BRD10: variants seen among roughly 807,000 people sequenced by gnomAD.
BRD10 encodes uncharacterized bromodomain-containing protein 10.
the BRD10 span, among the ~76,000 whole-genome samples, chr9:5,945,967 T>A: frequency 6.6e-6 from 1 of 152,098 alleles, no homozygotes; most frequent in Non-Finnish European, 1.5e-5. Context: ...CCAAGTTCGA[T>A]ACATTCATTA....
At chr9:5,916,415 A>C in the BRD10 span, among the ~76,000 whole-genome samples, 1 of 152,024 alleles carries the variant, frequency 6.6e-6, no homozygotes, top group Non-Finnish European at 1.5e-5. Context: ...TCAATTAATT[A>C]TTAAATACAC....
At chr9:6,006,995 A>T in the BRD10 span, among the ~76,000 whole-genome samples, 2 of 152,100 alleles carry the variant, frequency 1.3e-5, no homozygotes, top group Non-Finnish European at 2.9e-5. Flanking sequence ...TTCTCAGTCT[A>T]CGCGCAAGCC....
the BRD10 span, among the ~76,000 whole-genome samples, chr9:5,884,767 G>A: frequency 0.012 from 1,841 of 152,212 alleles, 32 homozygotes; most frequent in African/African-American, 0.041. Flanking sequence ...ATTTTAATCC[G>A]TTCCTGTAAT....
chr9:5,914,964 T>C, the BRD10 span, among the ~76,000 whole-genome samples: 1 of 152,106 alleles, frequency 6.6e-6, no homozygotes, highest in African/African-American at 2.4e-5. Flanking sequence ...TTAGGTTTAA[T>C]AAAGAGAACC....
the BRD10 span, among the ~76,000 whole-genome samples, chr9:5,977,460 A>G: frequency 1.3e-5 from 2 of 152,296 alleles, no homozygotes; most frequent in African/African-American, 4.8e-5. Context: ...AGGGAATGGG[A>G]GCCTGCTGAA....
the BRD10 span, among the ~76,000 whole-genome samples, chr9:5,934,612 T>A: frequency 3.9e-5 from 6 of 152,066 alleles, no homozygotes; most frequent in South Asian, 6.2e-4. Context: ...GTGATCCACC[T>A]GCCTTGGCCT....
chr9:5,911,434 CATG>C, the BRD10 span, among the ~76,000 whole-genome samples: 1 of 147,182 alleles, frequency 6.8e-6, no homozygotes, highest in East Asian at 2.0e-4. Flanking sequence ...ATGCCAGTAC[CATG>C]ATGTTTTGGT....
At chr9:5,968,506 C>T in the BRD10 span, 1 of 1,612,724 alleles carries the variant, frequency 6.2e-7, no homozygotes. Flanking sequence ...TTTCACAAGG[C>T]CTGCGAATTC....
the BRD10 span, among the ~76,000 whole-genome samples, chr9:5,932,139 T>G: frequency 6.6e-6 from 1 of 152,186 alleles, no homozygotes; most frequent in African/African-American, 2.4e-5. Context: ...TTATCTTGGG[T>G]CTAATATAAA....
the BRD10 span, chr9:5,969,279 G>A: frequency 1.1e-5 from 17 of 1,613,722 alleles, no homozygotes; most frequent in Admixed American, 1.7e-5. Flanking sequence ...GGCAAATTTA[G>A]AATTTGCTGA....
the BRD10 span, chr9:6,008,157 C>G: frequency 3.1e-6 from 3 of 979,548 alleles, no homozygotes; most frequent in Non-Finnish European, 3.6e-6. Flanking sequence ...CACCCCCTCC[C>G]GGGCCAGCGG....
chr9:5,969,872 AGT>A, the BRD10 span, among the ~76,000 whole-genome samples: 1,442 of 152,194 alleles, frequency 9.5e-3, 17 homozygotes, highest in African/African-American at 0.027. Flanking sequence ...ATCAGTACAA[AGT>A]GTCTCATAAC....
At chr9:5,991,180 G>GTGTA in the BRD10 span, among the ~76,000 whole-genome samples, 1 of 150,226 alleles carries the variant, frequency 6.7e-6, no homozygotes, top group Admixed American at 6.6e-5. Flanking sequence ...GTGTGTGTGT[G>GTGTA]TATATATATA....
chr9:5,988,840 T>C, the BRD10 span, among the ~76,000 whole-genome samples: 1 of 152,194 alleles, frequency 6.6e-6, no homozygotes, highest in Non-Finnish European at 1.5e-5. Context: ...TTGTTTGCAA[T>C]GTATTTCATA....
At chr9:5,922,913 G>A in the BRD10 span, 1 of 1,613,982 alleles carries the variant, frequency 6.2e-7, no homozygotes, top group Admixed American at 1.7e-5. Flanking sequence ...ATTTCTACCT[G>A]TGGAAGGAGG....
At chr9:5,922,128 C>T in the BRD10 span, 1 of 1,613,984 alleles carries the variant, frequency 6.2e-7, no homozygotes, top group South Asian at 1.1e-5. Flanking sequence ...TTTACAACTC[C>T]AGTGTTCCCA....
the BRD10 span, among the ~76,000 whole-genome samples, chr9:5,965,414 T>A: frequency 0.046 from 7,005 of 152,236 alleles, 425 homozygotes; most frequent in African/African-American, 0.14. Context: ...ACTTAACAAT[T>A]TAGAAGTTCA....
chr9:5,966,452 T>G, the BRD10 span, among the ~76,000 whole-genome samples: 4 of 98,528 alleles, frequency 4.1e-5, no homozygotes, highest in Non-Finnish European at 4.0e-5. Context: ...AGACTAACAT[T>G]TCCTTTTTTT....
chr9:5,982,369 T>C, the BRD10 span, among the ~76,000 whole-genome samples: 1 of 152,174 alleles, frequency 6.6e-6, no homozygotes, highest in African/African-American at 2.4e-5. Flanking sequence ...ACAGCTGGTT[T>C]GAATAGTTGT....
Sources: allele counts gnomAD v4.1 joint callset (sites outside exome capture counted in the v4.1 genomes callset), GRCh38; gene constraint gnomAD v4.1.1; transcripts MANE v1.5; gene names NCBI Gene and HGNC (gene_info 2026-07-23, HGNC 2026-07-21).